EXPH5: variants seen among roughly 807,000 people sequenced by gnomAD.
EXPH5 encodes exophilin-5.
EXPH5 carries 42 observed loss-of-function variants against 41.1 expected under a neutral mutation model. The observed-to-expected ratio is 1.02, with a 90% confidence interval of 0.80 to 1.32. The LOEUF (loss-of-function observed/expected upper bound fraction) is 1.32. Ranked by LOEUF, EXPH5 falls within the 40% of genes most tolerant of loss-of-function variation. The pLI is 0.00. For missense variants in EXPH5, 2,298 were observed against 2,314.5 expected, an observed-to-expected ratio of 0.99 and a Z score of 0.15; for synonymous variants, 798 against 833.5, an observed-to-expected ratio of 0.96 and a Z score of 0.73.
intron 2 of EXPH5, among the ~76,000 whole-genome samples, chr11:108,541,120 G>A (rs970824445): frequency 4.6e-5 from 7 of 152,070 alleles, no homozygotes; most frequent in Admixed American, 2.0e-4. Flanking sequence ...GCCCAGGCTC[G>A]TCTCAAACTC....
In EXPH5 at chr11:108,593,762, C is replaced by G. The variant is rs1234612146; in HGVS notation, c.-226G>C. On this transcript the variant is annotated 5_prime_UTR_variant, in exon 1 of 6. Transcript: ENST00000265843. ...TCTCTCAACCTGTCCAACCGAGATG[C>G]AAAGTGAACGGCTAAAGGGAGAGAG... 1.3e-6 allele frequency: 2 copies of G among 1,535,758 alleles called. No individual in the cohort carries two copies. Among genetic ancestry groups the G allele is most frequent in the Non-Finnish European group, 1.7e-6 (2 of 1,146,854 alleles).
intron 4 of EXPH5, among the ~76,000 whole-genome samples, chr11:108,525,825 C>T (rs1242802633): frequency 6.6e-6 from 1 of 151,586 alleles, no homozygotes; most frequent in Non-Finnish European, 1.5e-5. Context: ...ATGCAGAAGT[C>T]TTATTTTAGA....
intron 3 of EXPH5, among the ~76,000 whole-genome samples, chr11:108,536,568 C>A (rs2093881406): frequency 6.6e-6 from 1 of 152,180 alleles, no homozygotes; most frequent in Non-Finnish European, 1.5e-5. Context: ...ACTGGCCTTT[C>A]TTTTTGGATT....
rs765470956 is a variant in EXPH5 at position 108,514,313 on chromosome 11, A to T, written c.1194T>A (p.Asp398Glu). 1 of 1,613,348 alleles carries T rather than the reference A, an allele frequency of 6.2e-7. No homozygotes were observed. ...TGGGATACACATACTTGTCAGCGGG[A>T]TCAATTTCCATTGGTGATGGTGCCC... ...FLRAPSPMEIDPADKYVYPRG... is the reference protein window; with the variant it reads ...FLRAPSPMEIEPADKYVYPRG... The change falls in exon 6 of 6, where the codon GAT (aspartate) becomes GAA (glutamate). Residue 398 changes from aspartate (D) to glutamate (E), a missense_variant. Asp to Glu is a conservative substitution (Grantham distance 45). Transcript: ENST00000265843.
intron 2 of EXPH5, 141 bp from the exon 3 acceptor site, chr11:108,539,327 A>G (rs575770391): frequency 3.2e-5 from 19 of 593,342 alleles, no homozygotes; most frequent in Middle Eastern, 4.5e-4. Flanking sequence ...TGAAGACCTC[A>G]GGGATTAAGG....
Position 108,506,507 on chromosome 11 carries a change from T to G in EXPH5, c.*3030A>C, listed in dbSNP as rs1047004827. ...ACCTAACTCTTAATATAGCCTAAAC[T>G]CACTGAAAAATAAGCTAACTTCATT... On this transcript the variant is annotated 3_prime_UTR_variant, in exon 6 of 6. Transcript: ENST00000265843. The G allele has an allele frequency of 6.6e-6, 1 of 152,080 alleles. No individual in the cohort carries two copies. Among genetic ancestry groups the G allele is most frequent in the Non-Finnish European group, 1.5e-5 (1 of 68,012 alleles). The allele number at this position is 152,080 out of a possible 1,614,324, so 9.4% of individuals were successfully genotyped here.
rs1305859971 is a variant in EXPH5 at position 108,509,679 on chromosome 11, C to T, written c.5828G>A (p.Ser1943Asn). Residue 1943 changes from serine (S) to asparagine (N), a missense_variant, in exon 6 of 6, where the codon AGT (serine) becomes AAT (asparagine). Ser to Asn is a conservative substitution (Grantham distance 46). Transcript: ENST00000265843. ...SESLSSNSPS[S>N]QVPEDGLSPS... ...AGATAAGCCATCTTCTGGCACCTGA[C>T]TACTGGGAGAATTTGAGCTTAATGA... The T allele has an allele frequency of 3.7e-6, 6 of 1,613,922 alleles. No individual in the cohort carries two copies. The highest frequency in any genetic ancestry group is 5.1e-6 in the Non-Finnish European group (6 of 1,179,946).
At chr11:108,572,470 C>T (rs534538340) in intron 1 of EXPH5, among the ~76,000 whole-genome samples, 52 of 152,300 alleles carry the variant, frequency 3.4e-4, no homozygotes, top group African/African-American at 1.2e-3. Context: ...TACCAGCCCA[C>T]CTGTGAGTGG....
At chr11:108,573,186 A>AAG (rs1301911097) in intron 1 of EXPH5, among the ~76,000 whole-genome samples, 3 of 138,884 alleles carry the variant, frequency 2.2e-5, no homozygotes, top group South Asian at 2.2e-4. Flanking sequence ...GAAAGAAAGA[A>AAG]AGAAAGAAAG....
At chr11:108,579,949 T>C (rs1326273310) in intron 1 of EXPH5, among the ~76,000 whole-genome samples, 1 of 152,020 alleles carries the variant, frequency 6.6e-6, no homozygotes, top group Non-Finnish European at 1.5e-5. Flanking sequence ...TTAGAGGAGC[T>C]AGGAGAAAAT....
At chr11:108,521,464 G>A (rs1184394062) in intron 4 of EXPH5, among the ~76,000 whole-genome samples, 1 of 152,166 alleles carries the variant, frequency 6.6e-6, no homozygotes, top group African/African-American at 2.4e-5. Context: ...TATTAATACG[G>A]AAGGAGTGCT....
At chr11:108,555,500 G>A (rs2093985731) in intron 1 of EXPH5, among the ~76,000 whole-genome samples, 1 of 152,190 alleles carries the variant, frequency 6.6e-6, no homozygotes, top group African/African-American at 2.4e-5. Context: ...AGTCTAGCAA[G>A]TATCTCCATA....
Position 108,518,293 on chromosome 11 carries a change from C to T in EXPH5, c.573G>A (p.Glu191=). The change falls in exon 5 of 6, where the codon GAG becomes GAA. Residue 191 remains glutamate, a synonymous_variant. Coordinates refer to ENST00000265843, the MANE Select transcript of EXPH5 (RefSeq NM_015065.3). ...CCCACGGTGGAGGCATGCCACTCTC[C>T]TCCCTCATGACTGCTGGCTTTGGGA... The part of the protein sequence containing the change: ...TFVPKPAVMR[E]ESGMPPPWDA... 1 of 1,613,816 alleles carries T rather than the reference C, an allele frequency of 6.2e-7. No homozygotes were observed. The highest frequency in any genetic ancestry group is 1.1e-5 in the South Asian group (1 of 91,066).
Position 108,513,014 on chromosome 11 carries a change from C to G in EXPH5, c.2493G>C (p.Gln831His). ...TATCTTCATTATTTACAGTTAATTC[C>G]TGGTGACAACCTTGGTCTGTCCTGG... ...SFPRTDQGCHQELTVNNEDIS... is the reference protein window; with the variant it reads ...SFPRTDQGCHHELTVNNEDIS... The change falls in exon 6 of 6, where the codon CAG (glutamine) becomes CAC (histidine). Residue 831 changes from glutamine (Q) to histidine (H), a missense_variant. Physicochemically the swap from Gln to His is conservative, Grantham distance 24 (BLOSUM62 0). Transcript: ENST00000265843. The G allele has an allele frequency of 6.2e-7, 1 of 1,613,972 alleles. No homozygotes were observed. Among genetic ancestry groups the G allele is most frequent in the Non-Finnish European group, 8.5e-7 (1 of 1,179,974 alleles).
intron 3 of EXPH5, among the ~76,000 whole-genome samples, chr11:108,535,848 C>G (rs1028050434): frequency 2.0e-5 from 3 of 152,090 alleles, no homozygotes; most frequent in African/African-American, 7.2e-5. Flanking sequence ...AACTGGGGGT[C>G]TGGAACAAGA....
intron 4 of EXPH5, 71 bp from the exon 5 acceptor site, chr11:108,518,444 C>G (rs2093742156): frequency 7.2e-7 from 1 of 1,381,956 alleles, no homozygotes; most frequent in Non-Finnish European, 1.0e-6. Context: ...ACGCTCCCAC[C>G]AAACTGTCCC....
At chr11:108,532,080 G>T (rs531155964) in intron 3 of EXPH5, among the ~76,000 whole-genome samples, 1 of 151,640 alleles carries the variant, frequency 6.6e-6, no homozygotes, top group South Asian at 2.1e-4. Context: ...TTGTTCTCAG[G>T]TGAAAGTTGA....
chr11:108,592,906 G>C (rs1388028825), intron 1 of EXPH5, among the ~76,000 whole-genome samples: 1 of 152,246 alleles, frequency 6.6e-6, no homozygotes, highest in South Asian at 2.1e-4. Flanking sequence ...CCCGTGCTTC[G>C]CTGACTGCCC....
At position 108,514,671 on chromosome 11, in the gene EXPH5, G is replaced by C. The variant is rs781269063; in HGVS notation, c.836C>G (p.Thr279Ser). Residue 279 changes from threonine (T) to serine (S), a missense_variant, in exon 6 of 6, where the codon ACT (threonine) becomes AGT (serine). Thr to Ser is a moderately conservative substitution (Grantham distance 58, BLOSUM62 1). Coordinates refer to ENST00000265843, the MANE Select transcript of EXPH5 (RefSeq NM_015065.3). The stretch of plus-strand genomic sequence containing the variant: ...AAAGGTTTTAAAACCTTCCCTAGGA[G>C]TTCCTGGTCTTAGGATGTCATAGAT... ...MSIYDILRPGTPREGFKTFSP... is the reference protein window; with the variant it reads ...MSIYDILRPGSPREGFKTFSP... 88 of 1,604,580 alleles carry C rather than the reference G, an allele frequency of 5.5e-5. No individual in the cohort carries two copies. The highest frequency in any genetic ancestry group is 1.0e-4 in the Admixed American group (6 of 58,284).
Sources: allele counts gnomAD v4.1 joint callset (sites outside exome capture counted in the v4.1 genomes callset), GRCh38; gene constraint gnomAD v4.1.1; transcripts MANE v1.5; gene names NCBI Gene and HGNC (gene_info 2026-07-23, HGNC 2026-07-21).